NCOA2: variants seen among roughly 807,000 people sequenced by gnomAD.
NCOA2 encodes the protein class E basic helix-loop-helix protein 75.
NCOA2 carries 21 observed loss-of-function variants against 145.1 expected under a neutral mutation model. The ratio of observed to expected loss-of-function variants is 0.14; its 90% CI spans 0.10 to 0.21. The LOEUF (loss-of-function observed/expected upper bound fraction) is 0.21, where lower values mean the gene tolerates loss of function less well. Ranked by LOEUF, NCOA2 falls within the 10% of genes least tolerant of loss-of-function variation. The probability of loss-of-function intolerance (pLI) is 1.00; values close to 1 mark genes in which losing one functional copy is unlikely to be tolerated. For missense variants in NCOA2, 1,472 were observed against 1,837.6 expected (o/e 0.80, Z 3.64); for synonymous variants, 619 against 637.5 (o/e 0.97, Z 0.44).
chr8:70,337,155 C>CT (rs1389667458), intron 1 of NCOA2, among the ~76,000 whole-genome samples: 1 of 151,992 alleles, frequency 6.6e-6, no homozygotes, highest in South Asian at 2.1e-4. Context: ...ATTGACAACT[C>CT]TAAGTGTTTG....
intron 1 of NCOA2, among the ~76,000 whole-genome samples, chr8:70,396,234 C>G (rs1813660816): frequency 6.6e-6 from 1 of 152,234 alleles, no homozygotes; most frequent in Non-Finnish European, 1.5e-5. Context: ...TATCAGCATT[C>G]TATCCTTTCT....
At chr8:70,248,293 C>CA (rs1822792449) in intron 2 of NCOA2, among the ~76,000 whole-genome samples, 1 of 152,124 alleles carries the variant, frequency 6.6e-6, no homozygotes, top group Non-Finnish European at 1.5e-5. Context: ...CAAATGAAAG[C>CA]ATCTCTGTAA....
At chr8:70,322,735 T>C (rs900481254) in intron 1 of NCOA2, among the ~76,000 whole-genome samples, 2 of 152,176 alleles carry the variant, frequency 1.3e-5, no homozygotes, top group Non-Finnish European at 2.9e-5. Context: ...AACAATATAT[T>C]GTATGTAAAG....
chr8:70,199,496 C>G (rs527549980), intron 4 of NCOA2, among the ~76,000 whole-genome samples: 166 of 149,564 alleles, frequency 1.1e-3, no homozygotes, highest in African/African-American at 3.7e-3. Flanking sequence ...TCAACAGAGA[C>G]AGCTACCAGA....
chr8:70,213,856 A>C, intron 4 of NCOA2, 47 bp downstream of exon 4: 1 of 1,486,702 alleles, frequency 6.7e-7, no homozygotes, highest in Non-Finnish European at 9.0e-7. Flanking sequence ...CACAGGGAAA[A>C]ACAGAAACCA....
chr8:70,400,395 C>A (rs1814124446), intron 1 of NCOA2, among the ~76,000 whole-genome samples: 1 of 151,912 alleles, frequency 6.6e-6, no homozygotes, highest in Non-Finnish European at 1.5e-5. Context: ...AGGTTTTTTT[C>A]CCCCCAAGCC....
chr8:70,304,181 A>C (rs1827706310), intron 1 of NCOA2, among the ~76,000 whole-genome samples: 2 of 152,222 alleles, frequency 1.3e-5, no homozygotes, highest in Admixed American at 1.3e-4. Flanking sequence ...ACATTTGTCA[A>C]TGACACACTG....
At chr8:70,258,976 T>C (rs1008928249) in intron 2 of NCOA2, among the ~76,000 whole-genome samples, 4 of 152,198 alleles carry the variant, frequency 2.6e-5, no homozygotes, top group African/African-American at 9.7e-5. Context: ...CCATCAAATA[T>C]TCCCCTAGCT....
chr8:70,183,914 A>ATTCACAGCTGTGAATACAGT lies in NCOA2; in HGVS notation c.260-9075_260-9056dup, dbSNP rs1213015315. Among the ~76,000 whole-genome samples the ATTCACAGCTGTGAATACAGT allele has an allele frequency of 2.0e-5, 3 of 152,188 alleles. No individual in the cohort carries two copies. The East Asian group carries it at 5.8e-4, about 29-fold the overall frequency. On this transcript the variant is annotated intron_variant, in intron 4 of 22. Coordinates refer to ENST00000452400, the MANE Select transcript of NCOA2 (RefSeq NM_006540.4). Reference sequence around the variant, plus strand: ...ATGTTGTGTTAATACTGAACACAGTATTCACAGCTGTGAATACAGTTTCAC... The same window carrying ATTCACAGCTGTGAATACAGT: ...ATGTTGTGTTAATACTGAACACAGTATTCACAGCTGTGAATACAGTTTCACAGCTGTGAATACAGTTTCAC...
At chr8:70,164,177 C>T (rs972453677) in intron 7 of NCOA2, among the ~76,000 whole-genome samples, 6 of 152,226 alleles carry the variant, frequency 3.9e-5, no homozygotes, top group South Asian at 2.1e-4. Context: ...CATTATAGTT[C>T]AGAATCTTGG....
At chr8:70,119,496 T>C (rs1179792235) in intron 22 of NCOA2, among the ~76,000 whole-genome samples, 7 of 152,252 alleles carry the variant, frequency 4.6e-5, no homozygotes, top group African/African-American at 1.7e-4. Flanking sequence ...ATCTTTGCTA[T>C]TGTGAATAGT....
At chr8:70,132,754 T>C (rs1019706111) in intron 15 of NCOA2, among the ~76,000 whole-genome samples, 11 of 152,060 alleles carry the variant, frequency 7.2e-5, no homozygotes, top group Non-Finnish European at 2.9e-5. Flanking sequence ...TTTGTAGAGA[T>C]GGCGTTTCGC....
the NCOA2 span, among the ~76,000 whole-genome samples, chr8:70,426,561 G>C: frequency 6.6e-6 from 1 of 152,162 alleles, no homozygotes; most frequent in African/African-American, 2.4e-5. Flanking sequence ...TTGATACCTG[G>C]CATGCTGTCA....
intron 1 of NCOA2, among the ~76,000 whole-genome samples, chr8:70,350,253 TTAAC>T (rs546606795): frequency 1.7e-4 from 26 of 152,298 alleles, no homozygotes; most frequent in East Asian, 5.8e-4. Flanking sequence ...TTTCCTGACT[TTAAC>T]TAAATTCAAG....
At chr8:70,451,217 CAAAAAA>C in the NCOA2 span, among the ~76,000 whole-genome samples, 2 of 65,332 alleles carry the variant, frequency 3.1e-5, no homozygotes, top group African/African-American at 7.2e-5. Context: ...GACTCCGTCT[CAAAAAA>C]AAAAAAAAAA....
In NCOA2 at chr8:70,166,594, T is replaced by C. The variant is rs770939026; in HGVS notation, c.702A>G (p.Gln234=). ...YETMQCFAVS[Q]PKSIKEEGED... is the part of the protein sequence containing the mutation. Reference sequence around the variant, plus strand: ...CTCCTTCTTCTTTGATGGACTTTGGTTGAGAGACAGCGAAGCACTGCATAG... The same window carrying C: ...CTCCTTCTTCTTTGATGGACTTTGGCTGAGAGACAGCGAAGCACTGCATAG... Residue 234 remains glutamine (Q), a synonymous_variant, in exon 7 of 23, where the codon CAA becomes CAG. Coordinates refer to ENST00000452400, the MANE Select transcript of NCOA2 (RefSeq NM_006540.4). 5.6e-6 allele frequency: 9 copies of C among 1,613,872 alleles called. No homozygotes were observed. The Admixed American group carries it at 6.7e-5, about 12-fold the overall frequency.
intron 1 of NCOA2, among the ~76,000 whole-genome samples, chr8:70,308,515 C>A (rs1401745718): frequency 6.6e-6 from 1 of 151,552 alleles, no homozygotes; most frequent in African/African-American, 2.4e-5. Context: ...ATATATAAAA[C>A]ATGTATATAC....
chr8:70,231,213 C>T (rs560995478), intron 2 of NCOA2, among the ~76,000 whole-genome samples: 15 of 152,282 alleles, frequency 9.9e-5, no homozygotes, highest in African/African-American at 2.9e-4. Flanking sequence ...CAATTCACAA[C>T]GAGTATTAAG....
chr8:70,289,618 CAA>C (rs1375884256), intron 2 of NCOA2, among the ~76,000 whole-genome samples: 1 of 151,932 alleles, frequency 6.6e-6, no homozygotes, highest in African/African-American at 2.4e-5. Context: ...TAACTGGCAC[CAA>C]AAAAGCCAAA....
Sources: allele counts gnomAD v4.1 joint callset (sites outside exome capture counted in the v4.1 genomes callset), GRCh38; gene constraint gnomAD v4.1.1; transcripts MANE v1.5; gene names NCBI Gene and HGNC (gene_info 2026-07-23, HGNC 2026-07-21).